Variants in FBXL17 observed in about 807,000 individuals in gnomAD.
FBXL17 encodes F-box and leucine rich repeat protein 17.
A neutral mutation model predicts 66.2 loss-of-function variants in FBXL17; 22 were observed. The ratio of observed to expected loss-of-function variants is 0.33; its 90% CI spans 0.24 to 0.47. The LOEUF is 0.47. Ranked by LOEUF, FBXL17 falls within the 20% of genes least tolerant of loss-of-function variation. The pLI, the probability that FBXL17 is intolerant of heterozygous loss-of-function variation, is 1.00. For synonymous variants in FBXL17, 474 were observed against 400.5 expected (o/e 1.18, Z -2.19); for missense variants, 878 against 948.2 (o/e 0.93, Z 0.97).
intron 6 of FBXL17, among the ~76,000 whole-genome samples, chr5:108,157,182 GA>G (rs35070095): frequency 3.4e-4 from 31 of 91,132 alleles, no homozygotes; most frequent in South Asian, 7.1e-4. Flanking sequence ...GAACAAACTG[GA>G]AAAAAAAAAA....
Position 108,080,115 on chromosome 5 carries a change from C to T in FBXL17, c.1746-59114G>A, listed in dbSNP as rs138221895. Reference sequence around the variant, plus strand: ...TATCCCTGTGACACTGTGAATATGGCTGATGGAAACCCATGAATATGAGTT... The same window carrying T: ...TATCCCTGTGACACTGTGAATATGGTTGATGGAAACCCATGAATATGAGTT... On this transcript the variant is annotated intron_variant, in intron 6 of 8. Transcript: ENST00000542267. Among the ~76,000 whole-genome samples the T allele has an allele frequency of 9.9e-5, 15 of 152,256 alleles. No individual in the cohort carries two copies. In the East Asian group the frequency reaches 2.7e-3, roughly 27 times the overall value.
At chr5:108,167,887 A>G (rs569895575) in intron 6 of FBXL17, among the ~76,000 whole-genome samples, 1 of 152,220 alleles carries the variant, frequency 6.6e-6, no homozygotes, top group East Asian at 1.9e-4. Context: ...GGGGGAAAAA[A>G]TTATCCAAGA....
intron 4 of FBXL17, among the ~76,000 whole-genome samples, chr5:108,292,103 T>C (rs930612962): frequency 1.3e-5 from 2 of 151,994 alleles, no homozygotes; most frequent in Non-Finnish European, 2.9e-5. Flanking sequence ...AAAGCCAAAA[T>C]TGTTAACATA....
chr5:108,153,658 T>C lies in FBXL17; in HGVS notation c.1745+32459A>G, dbSNP rs566948118. ...GTCCATGGACAATAACATCTGTGACTAAGAGTTAGGAAATTTCATTAAAAA... is the reference window on the plus strand; with the variant it reads ...GTCCATGGACAATAACATCTGTGACCAAGAGTTAGGAAATTTCATTAAAAA... On this transcript the variant is annotated intron_variant, in intron 6 of 8. Transcript: ENST00000542267. 2.6e-5 allele frequency among the ~76,000 whole-genome samples: 4 copies of C among 152,184 alleles called. No individual in the cohort carries two copies. In the South Asian group the frequency reaches 8.3e-4, roughly 32 times the overall value.
intron 6 of FBXL17, among the ~76,000 whole-genome samples, chr5:108,100,923 A>G (rs1376101714): frequency 1.3e-5 from 2 of 152,212 alleles, no homozygotes; most frequent in Non-Finnish European, 2.9e-5. Flanking sequence ...ATACAGATGG[A>G]GCTGTAAACA....
chr5:108,279,170 G>A (rs1446467941), intron 4 of FBXL17, among the ~76,000 whole-genome samples: 6 of 152,076 alleles, frequency 3.9e-5, no homozygotes, highest in African/African-American at 7.2e-5. Flanking sequence ...TCAGAGACTC[G>A]TGAGCTGCTT....
intron 6 of FBXL17, among the ~76,000 whole-genome samples, chr5:108,151,508 G>A (rs961259214): frequency 1.3e-5 from 2 of 152,186 alleles, no homozygotes; most frequent in Non-Finnish European, 2.9e-5. Flanking sequence ...AGAAAGGTGA[G>A]ATAAGGTTTC....
chr5:108,089,886 G>A (rs1749125094), intron 6 of FBXL17, among the ~76,000 whole-genome samples: 2 of 152,134 alleles, frequency 1.3e-5, no homozygotes, highest in Admixed American at 1.3e-4. Context: ...GGAGTACAGT[G>A]GCACAAACAC....
At chr5:107,980,955 T>G (rs1256958371) in intron 7 of FBXL17, among the ~76,000 whole-genome samples, 3 of 152,040 alleles carry the variant, frequency 2.0e-5, no homozygotes, top group Non-Finnish European at 4.4e-5. Flanking sequence ...AAATAATATT[T>G]TTTAACACAA....
intron 5 of FBXL17, among the ~76,000 whole-genome samples, chr5:108,211,735 C>T (rs1754381524): frequency 6.6e-6 from 1 of 152,196 alleles, no homozygotes; most frequent in Non-Finnish European, 1.5e-5. Flanking sequence ...GGTAACCCAA[C>T]CTTTCTCTCT....
At chr5:107,980,228 C>A (rs1339087862) in intron 7 of FBXL17, among the ~76,000 whole-genome samples, 1 of 151,950 alleles carries the variant, frequency 6.6e-6, no homozygotes, top group East Asian at 1.9e-4. Context: ...TGGTGAAAAT[C>A]TTATTATGAA....
At chr5:108,286,527 C>CAATTCTTGTAGCCACAA (rs1757907656) in intron 4 of FBXL17, among the ~76,000 whole-genome samples, 2 of 151,820 alleles carry the variant, frequency 1.3e-5, no homozygotes, top group African/African-American at 4.8e-5. Context: ...ATCAAGAATG[C>CAATTCTTGTAGCCACAA]AATCCAATTC....
At position 108,335,746 on chromosome 5, in the gene FBXL17, C is replaced by T. The variant is rs568011823; in HGVS notation, c.1506+12653G>A. On this transcript the variant is annotated intron_variant, in intron 4 of 8. Coordinates refer to ENST00000542267, the MANE Select transcript of FBXL17 (RefSeq NM_001163315.3). ...AGCATAATTATATTCTTAAAAAAAC[C>T]CTGTTTTTGACTGTAATCTAAAAAC... is the stretch of plus-strand genomic sequence containing the variant. Among the ~76,000 whole-genome samples the T allele has an allele frequency of 2.6e-5, 4 of 152,072 alleles. No individual in the cohort carries two copies. In the South Asian group the frequency reaches 6.2e-4, roughly 24 times the overall value.
intron 7 of FBXL17, among the ~76,000 whole-genome samples, chr5:107,987,310 C>T (rs1480929470): frequency 6.7e-6 from 1 of 149,164 alleles, no homozygotes. Flanking sequence ...TTTTTTTTAA[C>T]CAACAATCAC....
intron 5 of FBXL17, among the ~76,000 whole-genome samples, chr5:108,202,131 G>A (rs1029797675): frequency 1.3e-5 from 2 of 152,062 alleles, no homozygotes; most frequent in African/African-American, 2.4e-5. Flanking sequence ...ATATTTATAT[G>A]TTTATGTTAA....
intron 4 of FBXL17, among the ~76,000 whole-genome samples, chr5:108,295,203 A>C (rs1016777294): frequency 6.6e-6 from 1 of 151,988 alleles, no homozygotes; most frequent in African/African-American, 2.4e-5. Flanking sequence ...AAATATTTTC[A>C]ATTAACATTA....
chr5:108,097,618 G>A (rs535432226), intron 6 of FBXL17, among the ~76,000 whole-genome samples: 205 of 151,696 alleles, frequency 1.4e-3, no homozygotes, highest in African/African-American at 4.7e-3. Flanking sequence ...GTGAAACCCC[G>A]TCTCTACTAA....
Position 108,162,764 on chromosome 5 carries a change from C to CA in FBXL17, c.1745+23352dup, listed in dbSNP as rs1449297577. On this transcript the variant is annotated intron_variant, in intron 6 of 8. Coordinates refer to ENST00000542267, the MANE Select transcript of FBXL17 (RefSeq NM_001163315.3). The stretch of plus-strand genomic sequence containing the variant: ...TGGGCACAATAACAGTATCACCTCA[C>CA]AGGGTTATCGGAAATTTAATATATA... Among the ~76,000 whole-genome samples the CA allele has an allele frequency of 7.0e-4, 107 of 152,102 alleles. 8 individuals are homozygous for CA. Among genetic ancestry groups the CA allele is most frequent in the African/African-American group, 2.4e-5 (1 of 41,396 alleles).
At chr5:108,160,506 G>C (rs1752170216) in intron 6 of FBXL17, among the ~76,000 whole-genome samples, 4 of 152,190 alleles carry the variant, frequency 2.6e-5, no homozygotes, top group Middle Eastern at 3.4e-3. Context: ...GAGTGAACTG[G>C]GTTGGCATTC....
Sources: allele counts gnomAD v4.1 joint callset (sites outside exome capture counted in the v4.1 genomes callset), GRCh38; gene constraint gnomAD v4.1.1; transcripts MANE v1.5; gene names NCBI Gene and HGNC (gene_info 2026-07-23, HGNC 2026-07-21).